SLC1A7: variants seen among roughly 807,000 people sequenced by gnomAD.
SLC1A7 encodes excitatory amino acid transporter 5.
SLC1A7 carries 40 observed loss-of-function variants against 47.7 expected under a neutral mutation model. That is an observed-to-expected ratio of 0.84 (90% confidence interval 0.65 to 1.09). The LOEUF (loss-of-function observed/expected upper bound fraction) is 1.09, where lower values mean the gene tolerates loss of function less well. Ranked by LOEUF, SLC1A7 falls within the 50% of genes least tolerant of loss-of-function variation. SLC1A7 has a pLI of 0.00. For missense variants in SLC1A7, 746 were observed against 769.5 expected (o/e 0.97, Z 0.36); for synonymous variants, 323 against 325.6 (o/e 0.99, Z 0.09).
At chr1:53,121,825 G>A (rs1485680465) in intron 2 of SLC1A7, among the ~76,000 whole-genome samples, 1 of 152,218 alleles carries the variant, frequency 6.6e-6, no homozygotes, top group East Asian at 1.9e-4. Context: ...TGAGTCACCT[G>A]GGACGCGGGG....
At chr1:53,115,006 G>A (rs762499895) in intron 2 of SLC1A7, 33 bp from the exon 3 acceptor site, 2 of 1,555,430 alleles carry the variant, frequency 1.3e-6, no homozygotes, top group Non-Finnish European at 1.8e-6. Context: ...GGCTGTGGTG[G>A]GGAGGCCAGG....
intron 2 of SLC1A7, among the ~76,000 whole-genome samples, chr1:53,131,135 T>C (rs1644938190): frequency 6.6e-6 from 1 of 152,166 alleles, no homozygotes; most frequent in Non-Finnish European, 1.5e-5. Context: ...TAATATCACA[T>C]GCATTTCCAG....
intron 2 of SLC1A7, among the ~76,000 whole-genome samples, chr1:53,117,058 A>C (rs1644770205): frequency 1.3e-5 from 2 of 152,188 alleles, no homozygotes; most frequent in Non-Finnish European, 2.9e-5. Flanking sequence ...TGTTCAGAGA[A>C]GGGGGAATCA....
At chr1:53,103,863 C>G (rs1644611240) in intron 4 of SLC1A7, among the ~76,000 whole-genome samples, 1 of 152,072 alleles carries the variant, frequency 6.6e-6, no homozygotes, top group Non-Finnish European at 1.5e-5. Context: ...GCCTGCCCAG[C>G]CCCTTATCCA....
At chr1:53,099,667 TTGCCTCAGTACACTCACAC>T (rs1366308636) in intron 5 of SLC1A7, among the ~76,000 whole-genome samples, 43 of 60,132 alleles carry the variant, frequency 7.2e-4, no homozygotes, top group African/African-American at 2.0e-3. Context: ...CTCACACACC[TTGCCTCAGTACACTCACAC>T]TGCCTCGGTA....
In SLC1A7 at chr1:53,088,986, A is replaced by C. The variant is rs1391689833; in HGVS notation, c.1362-7T>G. The C allele has an allele frequency of 2.5e-6, 4 of 1,612,998 alleles. No individual in the cohort carries two copies. Among genetic ancestry groups the C allele is most frequent in the Non-Finnish European group, 3.4e-6 (4 of 1,179,122 alleles). On this transcript the variant is annotated splice_polypyrimidine_tract_variant and splice_region_variant and intron_variant, in intron 9 of 10. Transcript: ENST00000371494. ...CATGGTGCGGAAACGGTCCCTGGTG[A>C]GCCAAGGTTGGGGGTGAGTGGTGGG...
intron 2 of SLC1A7, among the ~76,000 whole-genome samples, chr1:53,125,525 C>T (rs1372086677): frequency 2.0e-5 from 3 of 152,176 alleles, no homozygotes; most frequent in Admixed American, 6.5e-5. Flanking sequence ...CACCAGGGTA[C>T]GCTAGAGTCC....
intron 2 of SLC1A7, among the ~76,000 whole-genome samples, chr1:53,120,574 C>T (rs1295502248): frequency 2.0e-5 from 3 of 152,228 alleles, no homozygotes; most frequent in Non-Finnish European, 4.4e-5. Context: ...TCTCCATCCA[C>T]CATCCCTTCC....
Position 53,088,280 on chromosome 1 carries a change from C to T in SLC1A7, c.1465-53G>A, listed in dbSNP as rs748288437. 19 of 1,435,548 alleles carry T rather than the reference C, an allele frequency of 1.3e-5. 1 individual carries two copies. Among genetic ancestry groups the T allele is most frequent in the Middle Eastern group, 3.6e-4 (2 of 5,628 alleles). 88.9% of individuals were successfully genotyped at this position (1,435,548 alleles called of 1,614,324 possible). A position where few individuals can be genotyped will look rare whatever the true frequency, so the allele number is the denominator to read the frequency against. ...CAGCAGGAGGGACCAAGGTTAGATA[C>T]GAGGGAGGACTGAGGGCCAGTGGGG... On this transcript the variant is annotated intron_variant, in intron 10 of 10. Coordinates refer to ENST00000371494, the MANE Select transcript of SLC1A7 (RefSeq NM_006671.6).
intron 2 of SLC1A7, chr1:53,115,310 A>G (rs762726465): frequency 8.7e-6 from 3 of 343,764 alleles, no homozygotes; most frequent in Non-Finnish European, 1.6e-5. Flanking sequence ...TGTTGCCTCA[A>G]GTTTCCCATG....
At chr1:53,141,995 T>C (rs1645062513) in intron 1 of SLC1A7, among the ~76,000 whole-genome samples, 1 of 152,086 alleles carries the variant, frequency 6.6e-6, no homozygotes. Flanking sequence ...GGTGCCTGTT[T>C]GAACTCACAC....
rs367791829 is a variant in SLC1A7, at chr1:53,139,033, A to G, written c.135+3282T>C. The stretch of plus-strand genomic sequence containing the variant: ...TTTCTCTTTGTTTCTCTCATTAGAG[A>G]CCCCCTTTTCTCTTCGTTTACTCTG... On this transcript the variant is annotated intron_variant, in intron 1 of 10. Transcript: ENST00000371494. 1.8e-4 allele frequency among the ~76,000 whole-genome samples: 27 copies of G among 151,152 alleles called. 2 individuals are homozygous for G. The highest frequency in any genetic ancestry group is 6.3e-4 in the African/African-American group (26 of 41,142).
chr1:53,104,795 T>C (rs1644621955), intron 4 of SLC1A7, among the ~76,000 whole-genome samples: 1 of 152,214 alleles, frequency 6.6e-6, no homozygotes, highest in African/African-American at 2.4e-5. Flanking sequence ...CAGGAAACCC[T>C]TGCTGGATTA....
intron 1 of SLC1A7, among the ~76,000 whole-genome samples, chr1:53,135,385 T>C (rs1644981690): frequency 6.6e-6 from 1 of 152,188 alleles, no homozygotes; most frequent in African/African-American, 2.4e-5. Flanking sequence ...TCTCCATCTG[T>C]TTTGGGTCCA....
intron 10 of SLC1A7, among the ~76,000 whole-genome samples, chr1:53,088,647 C>G (rs113910329): frequency 1.3e-3 from 200 of 152,338 alleles, no homozygotes; most frequent in African/African-American, 4.4e-3. Context: ...TTTATCATAT[C>G]TTGTTCTACT....
chr1:53,140,826 G>A (rs1413068897), intron 1 of SLC1A7, among the ~76,000 whole-genome samples: 6 of 152,232 alleles, frequency 3.9e-5, no homozygotes, highest in Non-Finnish European at 8.8e-5. Context: ...CAGAGTCAAA[G>A]TTCAGGGTTT....
Position 53,136,129 on chromosome 1 carries a change from C to T in SLC1A7, c.136-1700G>A, listed in dbSNP as rs1415346194. 4.4e-5 allele frequency among the ~76,000 whole-genome samples: 6 copies of T among 137,602 alleles called. No individual in the cohort carries two copies. The East Asian group carries it at 1.0e-3, about 24-fold the overall frequency. The allele number at this position is 137,602 out of a possible 152,430, so 90.3% of individuals were successfully genotyped here. On this transcript the variant is annotated intron_variant, in intron 1 of 10. Coordinates refer to ENST00000371494, the MANE Select transcript of SLC1A7 (RefSeq NM_006671.6). ...AAAATCTGCTTTTTAAAGAAATATGCCCATCATGACTCTCTCTCTCTCTAT... is the reference window on the plus strand; with the variant it reads ...AAAATCTGCTTTTTAAAGAAATATGTCCATCATGACTCTCTCTCTCTCTAT...
At chr1:53,140,856 G>A (rs888767259) in intron 1 of SLC1A7, among the ~76,000 whole-genome samples, 1 of 152,204 alleles carries the variant, frequency 6.6e-6, no homozygotes, top group Non-Finnish European at 1.5e-5. Flanking sequence ...CAGAGTCCAT[G>A]CTTCTTCCTA....
At chr1:53,132,376 C>T (rs1161111606) in intron 2 of SLC1A7, among the ~76,000 whole-genome samples, 2 of 152,098 alleles carry the variant, frequency 1.3e-5, no homozygotes, top group Non-Finnish European at 2.9e-5. Context: ...CTCCATTCTT[C>T]GACTGAGTAG....
Sources: gnomAD v4.1 joint callset for allele counts (sites outside exome capture counted in the v4.1 genomes callset) on GRCh38, gnomAD v4.1.1 for gene constraint, MANE v1.5 for transcripts, NCBI Gene and HGNC (gene_info 2026-07-23, HGNC 2026-07-21) for gene names.